The following ARHGAP44 variants were observed in gnomAD, a reference collection of about 807,000 sequenced individuals.
ARHGAP44 encodes rho GTPase-activating protein 44.
ARHGAP44 carries 43 observed loss-of-function variants against 106.8 expected under a neutral mutation model. That is an observed-to-expected ratio of 0.40 (90% CI 0.32 to 0.52). The LOEUF is 0.52. Ranked by LOEUF, ARHGAP44 falls within the 20% of genes least tolerant of loss-of-function variation. The probability of loss-of-function intolerance (pLI) is 0.48; values close to 1 mark genes in which losing one functional copy is unlikely to be tolerated. For missense variants in ARHGAP44, 866 were observed against 1,050.5 expected, an observed-to-expected ratio of 0.82 and a Z score of 2.43; for synonymous variants, 439 against 410.3, an observed-to-expected ratio of 1.07 and a Z score of -0.85.
chr17:12,866,234 A>G (rs1340335363), intron 1 of ARHGAP44, among the ~76,000 whole-genome samples: 2 of 152,204 alleles, frequency 1.3e-5, no homozygotes, highest in African/African-American at 4.8e-5. Context: ...AATTGAATTG[A>G]GATTTTAATC....
intron 1 of ARHGAP44, among the ~76,000 whole-genome samples, chr17:12,800,825 C>T (rs987016789): frequency 3.9e-4 from 60 of 152,302 alleles, no homozygotes; most frequent in Middle Eastern, 3.4e-3. Flanking sequence ...AGGCAAATGC[C>T]TCTCCTGCTT....
intron 16 of ARHGAP44, chr17:12,959,116 A>G (rs2039198864): frequency 4.9e-5 from 28 of 566,500 alleles, no homozygotes; most frequent in Non-Finnish European, 8.5e-5. Flanking sequence ...TAGCTGACAC[A>G]GTTGTGATCA....
rs1327685340 is a variant in ARHGAP44, at chr17:12,948,735, C to A, written c.862-405C>A. Among the ~76,000 whole-genome samples the A allele has an allele frequency of 3.4e-4, 52 of 151,212 alleles. 2 individuals are homozygous for A. On this transcript the variant is annotated intron_variant, in intron 10 of 20. Transcript: ENST00000379672. ...CTCCCAACACACATACACACACACA[C>A]ACACACACACACACACCCCCTGTAG... is the stretch of plus-strand genomic sequence containing the variant.
At chr17:12,832,224 G>A (rs1282418432) in intron 1 of ARHGAP44, among the ~76,000 whole-genome samples, 1 of 152,148 alleles carries the variant, frequency 6.6e-6, no homozygotes, top group African/African-American at 2.4e-5. Context: ...TGATGGATAG[G>A]GGGCCAGGGA....
intron 18 of ARHGAP44, among the ~76,000 whole-genome samples, chr17:12,975,604 C>T (rs1050025825): frequency 3.3e-5 from 5 of 151,904 alleles, no homozygotes; most frequent in African/African-American, 1.2e-4. Context: ...CGAGACCATC[C>T]TGGCTAACAC....
intron 16 of ARHGAP44, among the ~76,000 whole-genome samples, chr17:12,972,823 G>A (rs1383660103): frequency 1.3e-5 from 2 of 151,274 alleles, no homozygotes; most frequent in African/African-American, 4.8e-5. Context: ...CACCACTCCC[G>A]GCTAATTTTT....
At chr17:12,908,214 G>A (rs1173796603) in intron 3 of ARHGAP44, among the ~76,000 whole-genome samples, 1 of 102,338 alleles carries the variant, frequency 9.8e-6, no homozygotes, top group Non-Finnish European at 1.8e-5. Flanking sequence ...TTTTTTTTTG[G>A]AGATGGAGTT....
chr17:12,922,608 G>A (rs2038116131), intron 6 of ARHGAP44, among the ~76,000 whole-genome samples: 1 of 152,130 alleles, frequency 6.6e-6, no homozygotes, highest in Non-Finnish European at 1.5e-5. Flanking sequence ...TTGTTAGCAG[G>A]CTGAATGCTA....
At chr17:12,791,551 C>T (rs949996371) in intron 1 of ARHGAP44, among the ~76,000 whole-genome samples, 3 of 152,188 alleles carry the variant, frequency 2.0e-5, no homozygotes, top group African/African-American at 7.2e-5. Flanking sequence ...ATGTTCAGAA[C>T]ATGTTTATGC....
At chr17:12,986,292 G>T (rs2039954796) in intron 20 of ARHGAP44, 1 of 152,128 alleles carries the variant, frequency 6.6e-6, no homozygotes, top group African/African-American at 2.4e-5. Context: ...TCCTGAAGGA[G>T]CCCATGATAG....
intron 1 of ARHGAP44, among the ~76,000 whole-genome samples, chr17:12,841,567 G>C (rs955756060): frequency 1.4e-5 from 2 of 141,156 alleles, no homozygotes; most frequent in Admixed American, 7.1e-5. Flanking sequence ...GGGCAACAGA[G>C]TGAGACCCTG....
chr17:12,982,782 T>G (rs2039863729), intron 19 of ARHGAP44: 1 of 152,098 alleles, frequency 6.6e-6, no homozygotes, highest in Admixed American at 6.6e-5. Context: ...GATAGAAATT[T>G]GAGCCCACGT....
At chr17:12,914,634 A>G (rs1267146256) in intron 4 of ARHGAP44, among the ~76,000 whole-genome samples, 2 of 152,040 alleles carry the variant, frequency 1.3e-5, no homozygotes, top group Admixed American at 1.3e-4. Flanking sequence ...ATGTCTACTA[A>G]AAATACAAAA....
At chr17:12,971,549 T>G (rs566610623) in intron 16 of ARHGAP44, among the ~76,000 whole-genome samples, 71 of 152,168 alleles carry the variant, frequency 4.7e-4, no homozygotes, top group Non-Finnish European at 9.3e-4. Flanking sequence ...CTTTTCATCC[T>G]GATACATTCT....
chr17:12,797,758 T>G (rs896587848), intron 1 of ARHGAP44, among the ~76,000 whole-genome samples: 2 of 151,598 alleles, frequency 1.3e-5, no homozygotes, highest in East Asian at 3.9e-4. Flanking sequence ...TCAGTATTAC[T>G]TTTTAAAAGT....
In ARHGAP44 at chr17:12,973,326, T is replaced by TA; in HGVS notation, c.1541+8dup. ...GCCTTAGGAAAATCCAAAGGTATGGTATCCTCTGGTAGCTATGAGGCCATG... is the reference window on the plus strand; with the variant it reads ...GCCTTAGGAAAATCCAAAGGTATGGTAATCCTCTGGTAGCTATGAGGCCATG... On this transcript the variant is annotated splice_region_variant and intron_variant, in intron 17 of 20. Coordinates refer to ENST00000379672, the MANE Select transcript of ARHGAP44 (RefSeq NM_014859.6). 1.2e-6 allele frequency: 2 copies of TA among 1,607,340 alleles called. No individual in the cohort carries two copies. The highest frequency in any genetic ancestry group is 1.7e-6 in the Non-Finnish European group (2 of 1,176,706).
At chr17:12,957,948 C>A (rs1412892206) in intron 15 of ARHGAP44, among the ~76,000 whole-genome samples, 4 of 152,122 alleles carry the variant, frequency 2.6e-5, no homozygotes, top group African/African-American at 9.7e-5. Flanking sequence ...CTTTCTTTTG[C>A]TTCATGTGTT....
chr17:12,944,626 C>T (rs375202895), intron 10 of ARHGAP44, among the ~76,000 whole-genome samples: 3 of 150,876 alleles, frequency 2.0e-5, no homozygotes, highest in Non-Finnish European at 4.4e-5. Flanking sequence ...GCTGGGACTA[C>T]AGGCGTGTGC....
intron 19 of ARHGAP44, among the ~76,000 whole-genome samples, chr17:12,982,248 T>C (rs1312076281): frequency 2.0e-5 from 3 of 152,178 alleles, no homozygotes; most frequent in Non-Finnish European, 4.4e-5. Context: ...ACCCATCTTT[T>C]GAAAGGTATA....
Sources: allele counts gnomAD v4.1 joint callset (sites outside exome capture counted in the v4.1 genomes callset), GRCh38; gene constraint gnomAD v4.1.1; transcripts MANE v1.5; gene names NCBI Gene and HGNC (gene_info 2026-07-23, HGNC 2026-07-21).